The following AKT2 variants were observed in gnomAD, a reference collection of about 807,000 sequenced individuals.
AKT2 encodes the protein RAC-beta serine/threonine-protein kinase.
Under a neutral mutation model 58.6 loss-of-function variants are expected in AKT2, and 16 were observed. The observed-to-expected ratio is 0.27, with a 90% CI of 0.18 to 0.41. The LOEUF (loss-of-function observed/expected upper bound fraction) is 0.41, where lower values mean the gene tolerates loss of function less well. AKT2 is among the 10% of genes least tolerant of loss of function. AKT2 has a pLI of 1.00. For synonymous variants in AKT2, 253 were observed against 254.0 expected, an observed-to-expected ratio of 1.00 and a Z score of 0.04; for missense variants, 438 against 661.0, an observed-to-expected ratio of 0.66 and a Z score of 3.70.
At chr19:40,253,440 C>T (rs931428528) in intron 4 of AKT2, among the ~76,000 whole-genome samples, 3 of 109,010 alleles carry the variant, frequency 2.8e-5, no homozygotes, top group African/African-American at 1.2e-4. Context: ...AGAAAAAGAC[C>T]AACTACCCAA....
chr19:40,280,356 ACC>A (rs2077402206), intron 1 of AKT2, among the ~76,000 whole-genome samples: 1 of 152,088 alleles, frequency 6.6e-6, no homozygotes, highest in African/African-American at 2.4e-5. Flanking sequence ...CGGTGTGAAA[ACC>A]ACAGGAGGGA....
Position 40,238,345 on chromosome 19 carries a change from G to C in AKT2, c.709-254C>G, listed in dbSNP as rs1568523256. Among the ~76,000 whole-genome samples, 1 of 152,198 alleles carries C rather than the reference G, an allele frequency of 6.6e-6. No individual in the cohort carries two copies. The highest frequency in any genetic ancestry group is 6.5e-5 in the Admixed American group (1 of 15,290). ...AGACATCCGAGACAGGAGGGAGGAT[G>C]GCATGGAGGCAAAAAGAAGCACACG... On this transcript the variant is annotated intron_variant, in intron 8 of 13. Transcript: ENST00000392038. This position sits in a 1 kb window ranked among gnomAD's most constrained non-coding sequence, Gnocchi z 5.1.
intron 1 of AKT2, among the ~76,000 whole-genome samples, chr19:40,267,721 C>T (rs1459020664): frequency 6.6e-6 from 1 of 152,182 alleles, no homozygotes; most frequent in Admixed American, 6.5e-5. Context: ...CTTCATGACA[C>T]CAATCTTTTT....
intron 1 of AKT2, 61 bp downstream of exon 1, chr19:40,285,120 G>C: frequency 7.7e-6 from 3 of 389,316 alleles, no homozygotes; most frequent in Non-Finnish European, 1.4e-5. Context: ...GCGGCACCGC[G>C]GGGGGCCCGG....
At chr19:40,267,808 C>T (rs898001747) in intron 1 of AKT2, among the ~76,000 whole-genome samples, 7 of 152,136 alleles carry the variant, frequency 4.6e-5, no homozygotes, top group African/African-American at 1.4e-4. Context: ...ATGAGGCTCA[C>T]AGTCTGGTGT....
At chr19:40,282,409 A>C in intron 1 of AKT2, 1 of 448,380 alleles carries the variant, frequency 2.2e-6, no homozygotes, top group South Asian at 1.6e-5. Flanking sequence ...CACCCCCTGC[A>C]TGGCTCTCTT....
chr19:40,242,475 C>T lies in AKT2; in HGVS notation c.441+59G>A. ...GTTATGGAAACCAAGGAGAGCAGGC[C>T]AGCACTGGGGGTGGGGGCACCGCAG... On this transcript the variant is annotated intron_variant, in intron 5 of 13. Coordinates refer to ENST00000392038, the MANE Select transcript of AKT2 (RefSeq NM_001626.6). This position sits in a 1 kb window ranked among gnomAD's most constrained non-coding sequence, Gnocchi z 4.3. The T allele has an allele frequency of 1.9e-6, 3 of 1,607,930 alleles. No homozygotes were observed. Among genetic ancestry groups the T allele is most frequent in the South Asian group, 2.2e-5 (2 of 91,024 alleles).
Position 40,235,520 on chromosome 19 carries a change from C to A in AKT2, c.1176-170G>T. On this transcript the variant is annotated intron_variant, in intron 11 of 13. Transcript: ENST00000392038. The surrounding 1 kb of genome is among the most constrained non-coding windows in gnomAD (Gnocchi z 6.3). ...GGGAGGGAGCTCACGTGCCCAGGGT[C>A]AGAGCCAGGGAGTCAGCAACCCGGA... The A allele has an allele frequency of 2.8e-6, 2 of 719,552 alleles. No individual in the cohort carries two copies. Among genetic ancestry groups the A allele is most frequent in the Non-Finnish European group, 4.8e-6 (2 of 412,394 alleles). The allele number at this position is 719,552 out of a possible 1,614,324, so 44.6% of individuals were successfully genotyped here.
chr19:40,256,871 C>T (rs999202320), intron 3 of AKT2, 55 bp downstream of exon 3: 37 of 1,611,860 alleles, frequency 2.3e-5, no homozygotes, highest in African/African-American at 2.1e-4. Context: ...GCCCCTAAGA[C>T]GTGCCAGCCA....
chr19:40,246,172 T>C (rs1409433848), intron 4 of AKT2, among the ~76,000 whole-genome samples: 1 of 152,180 alleles, frequency 6.6e-6, no homozygotes. Flanking sequence ...TTGTTTCTTT[T>C]TGTTTTTGGA....
At chr19:40,255,416 G>A (rs778563319) in intron 3 of AKT2, 147 bp from the exon 4 acceptor site, 17 of 626,920 alleles carry the variant, frequency 2.7e-5, no homozygotes, top group Non-Finnish European at 4.6e-5. Context: ...CCCTGGTCCT[G>A]TTCTCACAGG....
chr19:40,245,342 C>G (rs1037525674), intron 4 of AKT2, among the ~76,000 whole-genome samples: 3 of 152,094 alleles, frequency 2.0e-5, no homozygotes, highest in Non-Finnish European at 4.4e-5. Flanking sequence ...AATTCCAGAC[C>G]AGCCTAGACA....
intron 1 of AKT2, among the ~76,000 whole-genome samples, chr19:40,272,814 A>G (rs1320903107): frequency 1.3e-5 from 2 of 152,190 alleles, no homozygotes; most frequent in Non-Finnish European, 2.9e-5. Flanking sequence ...GCGGGAGGCA[A>G]GGCAGCCTCA....
At position 40,231,600 on chromosome 19, in the gene AKT2, G is replaced by A. The variant is rs921569023; in HGVS notation, c.*2272C>T. 27 of 233,226 alleles carry A rather than the reference G, an allele frequency of 1.2e-4. No homozygotes were observed. Among genetic ancestry groups the A allele is most frequent in the Non-Finnish European group, 3.4e-5 (4 of 118,076 alleles). The allele number at this position is 233,226 out of a possible 1,614,324, so 14.4% of individuals were successfully genotyped here. A position where few individuals can be genotyped will look rare whatever the true frequency, so the allele number is the denominator to read the frequency against. The stretch of plus-strand genomic sequence containing the variant: ...AAAATCTCAAATTCATCTGTGCCAG[G>A]CCCTCTGCACAGCAGGGCTCAGCAG... On this transcript the variant is annotated 3_prime_UTR_variant, in exon 14 of 14. Coordinates refer to ENST00000392038, the MANE Select transcript of AKT2 (RefSeq NM_001626.6).
rs772717641 is a variant in AKT2 at position 40,265,301 on chromosome 19, G to A, written c.-34C>T. ...CGTGGTACGCTGTCACCTAGCTCGG[G>A]ACAGCTCAGGGCAGCAGGACATGCA... is the stretch of plus-strand genomic sequence containing the variant. On this transcript the variant is annotated 5_prime_UTR_variant, in exon 2 of 14. Coordinates refer to ENST00000392038, the MANE Select transcript of AKT2 (RefSeq NM_001626.6). 28 of 1,608,648 alleles carry A rather than the reference G, an allele frequency of 1.7e-5. No individual in the cohort carries two copies. In the Admixed American group the frequency reaches 4.6e-4, roughly 26 times the overall value.
chr19:40,262,903 C>T (rs1278620439), intron 2 of AKT2, among the ~76,000 whole-genome samples: 1 of 152,214 alleles, frequency 6.6e-6, no homozygotes, highest in South Asian at 2.1e-4. Context: ...CAGCAGTAGT[C>T]AGCAGGGCCC....
At chr19:40,283,617 C>A (rs2077462573) in intron 1 of AKT2, among the ~76,000 whole-genome samples, 1 of 152,216 alleles carries the variant, frequency 6.6e-6, no homozygotes, top group Admixed American at 6.5e-5. Context: ...AGAGCAAAGG[C>A]TACAGGGCAA....
rs762307605 is a variant in AKT2, at chr19:40,237,956, C to T, written c.831+13G>A. On this transcript the variant is annotated intron_variant, in intron 9 of 13. Coordinates refer to ENST00000392038, the MANE Select transcript of AKT2 (RefSeq NM_001626.6). The surrounding 1 kb of genome is among the most constrained non-coding windows in gnomAD (Gnocchi z 4.5). ...ATGCCACAGGTCAGCCTGGCGCACACCCTGCCACTAACCTTGATGTCGCGG... is the reference window on the plus strand; with the variant it reads ...ATGCCACAGGTCAGCCTGGCGCACATCCTGCCACTAACCTTGATGTCGCGG... 1.2e-6 allele frequency: 2 copies of T among 1,613,058 alleles called. No homozygotes were observed. Among genetic ancestry groups the T allele is most frequent in the Admixed American group, 1.7e-5 (1 of 59,962 alleles).
intron 4 of AKT2, among the ~76,000 whole-genome samples, chr19:40,250,890 G>A (rs1289204583): frequency 1.3e-5 from 2 of 152,002 alleles, no homozygotes; most frequent in African/African-American, 2.4e-5. Context: ...AAGACCAGGG[G>A]TCTGCAAACT....
Sources: gnomAD v4.1 joint callset for allele counts (sites outside exome capture counted in the v4.1 genomes callset) on GRCh38, gnomAD v4.1.1 for gene constraint, Gnocchi (gnomAD v3.1) non-coding constraint, MANE v1.5 for transcripts, NCBI Gene and HGNC (gene_info 2026-07-23, HGNC 2026-07-21) for gene names.